Variants in SNX13 observed in about 807,000 individuals in gnomAD.
SNX13 encodes sorting nexin-13.
SNX13 carries 45 observed loss-of-function variants against 133.6 expected under a neutral mutation model. The observed-to-expected ratio is 0.34, with a 90% CI of 0.27 to 0.43. The LOEUF (loss-of-function observed/expected upper bound fraction) is 0.43. Among genes scored for constraint, SNX13 ranks in the 20% least tolerant of loss-of-function variants. The pLI, the probability that SNX13 is intolerant of heterozygous loss-of-function variation, is 1.00. For missense variants in SNX13, 1,032 were observed against 1,145.1 expected, an observed-to-expected ratio of 0.90 and a Z score of 1.43; for synonymous variants, 414 against 373.9, an observed-to-expected ratio of 1.11 and a Z score of -1.24.
chr7:17,802,381 T>C (rs191904440), intron 21 of SNX13, among the ~76,000 whole-genome samples: 3 of 152,252 alleles, frequency 2.0e-5, no homozygotes, highest in South Asian at 2.1e-4. Context: ...TGATATAGTA[T>C]GTTAATATGT....
intron 20 of SNX13, among the ~76,000 whole-genome samples, chr7:17,805,232 TGTGTGTGTGTGTGTGTGTGC>T (rs1398020838): frequency 8.1e-5 from 9 of 110,750 alleles, no homozygotes; most frequent in Admixed American, 7.4e-4. Flanking sequence ...TGTGTGTGTG[TGTGTGTGTGTGTGTGTGTGC>T]GTGCGCGCGC....
At chr7:17,821,189 C>T (rs189376784) in intron 18 of SNX13, among the ~76,000 whole-genome samples, 234 of 152,274 alleles carry the variant, frequency 1.5e-3, no homozygotes, top group African/African-American at 5.2e-3. Flanking sequence ...CCCATTCCTA[C>T]TTCAATCTAA....
intron 5 of SNX13, chr7:17,881,967 C>G (rs1286110463): frequency 6.6e-6 from 1 of 152,200 alleles, no homozygotes; most frequent in Non-Finnish European, 1.5e-5. Flanking sequence ...TTATCATCCA[C>G]TTTAAGGATT....
At chr7:17,814,605 T>C (rs913526319) in intron 20 of SNX13, among the ~76,000 whole-genome samples, 5 of 152,176 alleles carry the variant, frequency 3.3e-5, no homozygotes, top group Admixed American at 3.3e-4. Context: ...ATGTACCATT[T>C]CAAATTTTTT....
At chr7:17,840,091 T>C in intron 12 of SNX13, 91 bp from the exon 13 acceptor site, 1 of 1,047,900 alleles carries the variant, frequency 9.5e-7, no homozygotes, top group Non-Finnish European at 1.3e-6. Context: ...AGGATTAAAG[T>C]TTCAAGTGTT....
At chr7:17,899,407 ACTCT>A (rs1294563840) in intron 1 of SNX13, 2 of 151,614 alleles carry the variant, frequency 1.3e-5, no homozygotes, top group Non-Finnish European at 2.9e-5. Context: ...TCTACGCCTA[ACTCT>A]CTCTCTACCT....
chr7:17,873,263 T>TA (rs771061196), intron 8 of SNX13, among the ~76,000 whole-genome samples: 1 of 152,210 alleles, frequency 6.6e-6, no homozygotes, highest in Non-Finnish European at 1.5e-5. Context: ...TTCTTTCATG[T>TA]ACACACAGTG....
At chr7:17,911,145 T>C (rs1473808765) in intron 1 of SNX13, among the ~76,000 whole-genome samples, 4 of 152,200 alleles carry the variant, frequency 2.6e-5, no homozygotes, top group Non-Finnish European at 4.4e-5. Context: ...CTAGCTACTT[T>C]TTGTTGACCT....
At chr7:17,920,580 A>C (rs930630488) in intron 1 of SNX13, among the ~76,000 whole-genome samples, 3 of 152,228 alleles carry the variant, frequency 2.0e-5, no homozygotes, top group Non-Finnish European at 2.9e-5. Flanking sequence ...AAATCAAGTT[A>C]CGTGTCAAAT....
chr7:17,837,450 T>C (rs1583423081), intron 13 of SNX13, among the ~76,000 whole-genome samples: 1 of 151,990 alleles, frequency 6.6e-6, no homozygotes, highest in South Asian at 2.1e-4. Context: ...TAAATATCCT[T>C]TCAACAAAAT....
intron 12 of SNX13, among the ~76,000 whole-genome samples, chr7:17,843,855 C>T (rs1006863186): frequency 1.3e-5 from 2 of 151,948 alleles, no homozygotes; most frequent in African/African-American, 4.8e-5. Context: ...CACACTCACA[C>T]AACCAATGGA....
intron 1 of SNX13, among the ~76,000 whole-genome samples, chr7:17,925,492 G>C (rs1354173558): frequency 6.6e-6 from 1 of 151,992 alleles, no homozygotes; most frequent in East Asian, 1.9e-4. Flanking sequence ...AAGCAGAATA[G>C]GCTAAAGGAC....
chr7:17,837,350 T>G (rs985986019), intron 13 of SNX13, among the ~76,000 whole-genome samples: 2 of 151,912 alleles, frequency 1.3e-5, no homozygotes, highest in Non-Finnish European at 1.5e-5. Flanking sequence ...ATGTTGTCCA[T>G]GCTGGTCTCA....
At chr7:17,921,093 G>A (rs1345746133) in intron 1 of SNX13, among the ~76,000 whole-genome samples, 3 of 152,026 alleles carry the variant, frequency 2.0e-5, no homozygotes, top group African/African-American at 7.2e-5. Context: ...AAACTCTAGG[G>A]CTCTCCTTAG....
intron 1 of SNX13, among the ~76,000 whole-genome samples, chr7:17,922,478 G>A (rs1198719044): frequency 6.6e-6 from 1 of 152,190 alleles, no homozygotes; most frequent in African/African-American, 2.4e-5. Context: ...ACACAAAGTA[G>A]GCTCCCAGTA....
chr7:17,940,169 T>C, intron 1 of SNX13, 115 bp downstream of exon 1: 1 of 1,408,666 alleles, frequency 7.1e-7, no homozygotes, highest in African/African-American at 1.4e-5. Context: ...CCTCGGGCCC[T>C]GGAGCCCACG....
At chr7:17,883,301 C>T (rs1461493841) in intron 5 of SNX13, among the ~76,000 whole-genome samples, 1 of 152,024 alleles carries the variant, frequency 6.6e-6, no homozygotes, top group African/African-American at 2.4e-5. Flanking sequence ...AAAAACAAGA[C>T]GTGAACACCT....
intron 9 of SNX13, among the ~76,000 whole-genome samples, chr7:17,857,165 A>T (rs1448188129): frequency 6.6e-6 from 1 of 152,162 alleles, no homozygotes; most frequent in Non-Finnish European, 1.5e-5. Context: ...CTCACACATA[A>T]AATTACCAGC....
chr7:17,922,532 G>C (rs1800235624), intron 1 of SNX13, among the ~76,000 whole-genome samples: 1 of 152,178 alleles, frequency 6.6e-6, no homozygotes, highest in East Asian at 1.9e-4. Context: ...TAGAACTTCT[G>C]ATTAATCATC....
Sources: gnomAD v4.1 joint callset for allele counts (sites outside exome capture counted in the v4.1 genomes callset) on GRCh38, gnomAD v4.1.1 for gene constraint, MANE v1.5 for transcripts, NCBI Gene and HGNC (gene_info 2026-07-23, HGNC 2026-07-21) for gene names.